The following GTF2A1L variants were observed in gnomAD, a reference collection of about 807,000 sequenced individuals.
GTF2A1L encodes the protein TFIIA-alpha and beta-like factor.
GTF2A1L carries 48 observed loss-of-function variants against 49.7 expected under a neutral mutation model. That is an observed-to-expected ratio of 0.97 (90% CI 0.77 to 1.23). GTF2A1L has a LOEUF of 1.23. Ranked by LOEUF, GTF2A1L falls within the 50% of genes most tolerant of loss-of-function variation. The pLI is 0.00. For missense variants in GTF2A1L, 736 were observed against 564.8 expected, an observed-to-expected ratio of 1.30 and a Z score of -3.07; for synonymous variants, 246 against 193.5, an observed-to-expected ratio of 1.27 and a Z score of -2.25.
intron 3 of GTF2A1L, among the ~76,000 whole-genome samples, chr2:48,624,956 G>T (rs1235397751): frequency 7.0e-6 from 1 of 143,470 alleles, no homozygotes; most frequent in African/African-American, 2.5e-5. Flanking sequence ...TTATCCATTT[G>T]TCCATTTGCA....
intron 6 of GTF2A1L, among the ~76,000 whole-genome samples, chr2:48,661,135 T>C (rs997625583): frequency 1.3e-5 from 2 of 152,014 alleles, no homozygotes; most frequent in African/African-American, 4.8e-5. Flanking sequence ...TGATTTGTTC[T>C]CTCCTTTATA....
At chr2:48,657,819 T>A (rs1308966564) in intron 6 of GTF2A1L, among the ~76,000 whole-genome samples, 3 of 152,168 alleles carry the variant, frequency 2.0e-5, no homozygotes, top group Non-Finnish European at 4.4e-5. Flanking sequence ...AGATGATATC[T>A]TATTGCATTT....
chr2:48,623,822 A>G (rs1335776599), intron 3 of GTF2A1L, among the ~76,000 whole-genome samples: 1 of 152,208 alleles, frequency 6.6e-6, no homozygotes, highest in East Asian at 1.9e-4. Context: ...AGAAAACCAT[A>G]TATTGCATGT....
At chr2:48,627,538 C>A (rs11884585) in intron 3 of GTF2A1L, among the ~76,000 whole-genome samples, 15,921 of 143,152 alleles carry the variant, frequency 0.11, 2,821 homozygotes, top group African/African-American at 0.22. Flanking sequence ...TAAATTTTTG[C>A]TTGAAAAGTT....
intron 6 of GTF2A1L, among the ~76,000 whole-genome samples, chr2:48,668,184 C>T (rs898094607): frequency 6.6e-6 from 1 of 152,082 alleles, no homozygotes; most frequent in Non-Finnish European, 1.5e-5. Context: ...TTACTATAAC[C>T]TTTATATTTC....
intron 4 of GTF2A1L, among the ~76,000 whole-genome samples, chr2:48,643,108 T>G (rs1430906022): frequency 6.6e-6 from 1 of 151,904 alleles, no homozygotes; most frequent in Non-Finnish European, 1.5e-5. Flanking sequence ...AATTTTGAGG[T>G]TTTTTTTCAG....
chr2:48,632,583 A>G (rs1676642183), intron 3 of GTF2A1L: 1 of 153,466 alleles, frequency 6.5e-6, no homozygotes, highest in African/African-American at 2.4e-5. Context: ...GTGTTTCACC[A>G]TATTGGCCAG....
intron 6 of GTF2A1L, among the ~76,000 whole-genome samples, chr2:48,666,987 A>G (rs1678880954): frequency 6.6e-6 from 1 of 151,894 alleles, no homozygotes; most frequent in South Asian, 2.1e-4. Context: ...ATTTTTGAGA[A>G]GAGTCTCACT....
At chr2:48,622,438 C>T (rs1014995442) in intron 3 of GTF2A1L, among the ~76,000 whole-genome samples, 1 of 152,126 alleles carries the variant, frequency 6.6e-6, no homozygotes, top group African/African-American at 2.4e-5. Context: ...ATCTCCTTCT[C>T]TGTTTAAATA....
intron 3 of GTF2A1L, among the ~76,000 whole-genome samples, chr2:48,634,098 G>T (rs1162065728): frequency 1.3e-5 from 2 of 151,962 alleles, no homozygotes; most frequent in African/African-American, 4.8e-5. Context: ...TACATTCAAG[G>T]TTAATATTGA....
At chr2:48,644,973 GA>G (rs2104190904) in intron 4 of GTF2A1L, 59 bp from the exon 5 acceptor site, 17 of 1,499,890 alleles carry the variant, frequency 1.1e-5, no homozygotes, top group Admixed American at 4.3e-5. Flanking sequence ...TGAGATCAGG[GA>G]AAAAAAGATA....
intron 6 of GTF2A1L, among the ~76,000 whole-genome samples, chr2:48,657,887 G>A (rs562037659): frequency 3.3e-5 from 5 of 151,980 alleles, no homozygotes; most frequent in African/African-American, 1.2e-4. Flanking sequence ...ATGTTTGTTG[G>A]CTGCTTCTAT....
At chr2:48,653,039 C>G (rs1677952305) in intron 6 of GTF2A1L, among the ~76,000 whole-genome samples, 1 of 151,668 alleles carries the variant, frequency 6.6e-6, no homozygotes, top group South Asian at 2.1e-4. Flanking sequence ...ATCATTCTGG[C>G]TAACATGGTG....
chr2:48,677,183 T>G (rs1250546513), intron 8 of GTF2A1L, among the ~76,000 whole-genome samples: 1 of 152,026 alleles, frequency 6.6e-6, no homozygotes, highest in Non-Finnish European at 1.5e-5. Context: ...TCCTGGATAT[T>G]CTTGTTCATT....
chr2:48,675,934 A>G (rs1236263274), intron 8 of GTF2A1L, among the ~76,000 whole-genome samples: 1 of 151,868 alleles, frequency 6.6e-6, no homozygotes, highest in East Asian at 1.9e-4. Context: ...TAGATAGTGC[A>G]TACACATGGT....
chr2:48,619,609 A>G (rs905288287), intron 1 of GTF2A1L, among the ~76,000 whole-genome samples: 3 of 152,174 alleles, frequency 2.0e-5, no homozygotes, highest in African/African-American at 7.2e-5. Context: ...AGAGTGCCAC[A>G]ATTTTCATTT....
At chr2:48,656,089 A>G (rs1678153379) in intron 6 of GTF2A1L, among the ~76,000 whole-genome samples, 1 of 152,160 alleles carries the variant, frequency 6.6e-6, no homozygotes, top group African/African-American at 2.4e-5. Flanking sequence ...GTGTCTGTGG[A>G]TACTTGGGTT....
chr2:48,621,897 A>C (rs1676019472), intron 3 of GTF2A1L, among the ~76,000 whole-genome samples: 1 of 152,222 alleles, frequency 6.6e-6, no homozygotes, highest in Admixed American at 6.5e-5. Context: ...GGACTAGCTA[A>C]TAAAAGATAA....
intron 3 of GTF2A1L, among the ~76,000 whole-genome samples, chr2:48,623,373 T>C (rs1676121063): frequency 6.6e-6 from 1 of 152,184 alleles, no homozygotes; most frequent in Non-Finnish European, 1.5e-5. Flanking sequence ...AAAATCACAA[T>C]GAGATACCGT....
Sources: gnomAD v4.1 joint callset for allele counts (sites outside exome capture counted in the v4.1 genomes callset) on GRCh38, gnomAD v4.1.1 for gene constraint, MANE v1.5 for transcripts, NCBI Gene and HGNC (gene_info 2026-07-23, HGNC 2026-07-21) for gene names.